The following ERBB4 variants were observed in gnomAD, a reference collection of about 807,000 sequenced individuals.
ERBB4 encodes erb-b2 receptor tyrosine kinase 4, also known as receptor tyrosine-protein kinase erbB-4.
In ERBB4, 42 loss-of-function variants were observed where a neutral mutation model predicts 158.0. That is an observed-to-expected ratio of 0.27 (90% CI 0.21 to 0.34). The LOEUF is 0.34. ERBB4 is among the 10% of genes least tolerant of loss of function. The probability of loss-of-function intolerance (pLI) is 1.00; values close to 1 mark genes in which losing one functional copy is unlikely to be tolerated. For synonymous variants in ERBB4, 583 were observed against 558.7 expected (o/e 1.04, Z -0.61); for missense variants, 1,333 against 1,624.1 (o/e 0.82, Z 3.08).
At chr2:211,398,566 G>A (rs909126560) in intron 25 of ERBB4, among the ~76,000 whole-genome samples, 1 of 152,066 alleles carries the variant, frequency 6.6e-6, no homozygotes, top group African/African-American at 2.4e-5. Flanking sequence ...AAGACCTCTA[G>A]GCAAGGTGGC....
chr2:211,758,773 T>C (rs1402394262), intron 4 of ERBB4, among the ~76,000 whole-genome samples: 2 of 152,196 alleles, frequency 1.3e-5, no homozygotes, highest in Non-Finnish European at 2.9e-5. Context: ...CCCTTGGAGG[T>C]GTGCAGTGCA....
chr2:212,463,536 T>C (rs966048334), intron 1 of ERBB4, among the ~76,000 whole-genome samples: 20 of 152,156 alleles, frequency 1.3e-4, no homozygotes, highest in Non-Finnish European at 2.8e-4. Flanking sequence ...TTATTTCATC[T>C]ACCATAAAAT....
chr2:211,660,314 T>C (rs6719664), intron 15 of ERBB4, among the ~76,000 whole-genome samples: 20,456 of 152,160 alleles, frequency 0.13, 1,767 homozygotes, highest in African/African-American at 0.23. Flanking sequence ...TTAGTCCACG[T>C]AAGAGATGAT....
chr2:211,599,872 G>A (rs2068748535), intron 19 of ERBB4, among the ~76,000 whole-genome samples: 1 of 152,228 alleles, frequency 6.6e-6, no homozygotes, highest in South Asian at 2.1e-4. Flanking sequence ...CTGCAATCTA[G>A]TGGGTATTTT....
intron 16 of ERBB4, among the ~76,000 whole-genome samples, chr2:211,637,900 G>A (rs901197836): frequency 1.4e-4 from 21 of 151,598 alleles, no homozygotes; most frequent in African/African-American, 4.8e-4. Context: ...CATTATTCAG[G>A]TTTTGCTTCA....
chr2:212,463,283 T>C (rs570213308), intron 1 of ERBB4, among the ~76,000 whole-genome samples: 1 of 152,178 alleles, frequency 6.6e-6, no homozygotes, highest in East Asian at 1.9e-4. Flanking sequence ...AAAGGGTAAA[T>C]GTTTGAGGTG....
At chr2:211,764,565 T>C (rs6734786) in intron 4 of ERBB4, among the ~76,000 whole-genome samples, 11,852 of 152,258 alleles carry the variant, frequency 0.078, 624 homozygotes, top group Middle Eastern at 0.13. Context: ...AAAGTACTAC[T>C]ACAGATTAGG....
intron 1 of ERBB4, among the ~76,000 whole-genome samples, chr2:212,240,649 A>AAAAAAAAAAAAAAAAAAAC (rs2084059168): frequency 7.0e-6 from 1 of 143,536 alleles, no homozygotes; most frequent in Non-Finnish European, 1.5e-5. Flanking sequence ...AAAAAAAAAA[A>AAAAAAAAAAAAAAAAAAAC]AAAAAAAAAA....
chr2:211,706,593 TA>T (rs1305215676), intron 9 of ERBB4, among the ~76,000 whole-genome samples: 1 of 128,032 alleles, frequency 7.8e-6, no homozygotes, highest in Non-Finnish European at 1.7e-5. Flanking sequence ...TTCCACATCT[TA>T]AAAAAACAAA....
At chr2:212,184,227 G>T (rs80030819) in intron 1 of ERBB4, among the ~76,000 whole-genome samples, 2 of 152,030 alleles carry the variant, frequency 1.3e-5, no homozygotes, top group East Asian at 3.9e-4. Flanking sequence ...CTTAAATCTC[G>T]ATCCTTCCCT....
chr2:211,789,249 A>G (rs1272156890), intron 3 of ERBB4, among the ~76,000 whole-genome samples: 4 of 152,170 alleles, frequency 2.6e-5, no homozygotes, highest in Non-Finnish European at 5.9e-5. Context: ...ACAATTAATC[A>G]AAACCCAATC....
intron 1 of ERBB4, among the ~76,000 whole-genome samples, chr2:212,157,511 C>G (rs2081076965): frequency 6.6e-6 from 1 of 151,972 alleles, no homozygotes; most frequent in Non-Finnish European, 1.5e-5. Flanking sequence ...TATTTACTTA[C>G]AGCAAAATCA....
At chr2:211,641,772 A>T (rs2070602149) in intron 16 of ERBB4, among the ~76,000 whole-genome samples, 1 of 151,988 alleles carries the variant, frequency 6.6e-6, no homozygotes, top group Non-Finnish European at 1.5e-5. Flanking sequence ...AATTCATTCC[A>T]TTTTGCTATC....
At chr2:211,504,628 A>G (rs184668403) in intron 20 of ERBB4, among the ~76,000 whole-genome samples, 2 of 152,260 alleles carry the variant, frequency 1.3e-5, no homozygotes, top group Admixed American at 1.3e-4. Context: ...AAACTTCAAA[A>G]AGACAGATAA....
intron 3 of ERBB4, among the ~76,000 whole-genome samples, chr2:211,841,107 T>C (rs1575228391): frequency 6.6e-6 from 1 of 152,080 alleles, no homozygotes; most frequent in East Asian, 1.9e-4. Flanking sequence ...TATACATTAA[T>C]ATACTTTATG....
At chr2:211,656,296 A>G (rs896159099) in intron 16 of ERBB4, among the ~76,000 whole-genome samples, 10 of 151,250 alleles carry the variant, frequency 6.6e-5, no homozygotes, top group South Asian at 2.1e-4. Flanking sequence ...TTCACACTAT[A>G]TACGCTTCAA....
At chr2:212,114,122 A>G (rs1487894347) in intron 2 of ERBB4, among the ~76,000 whole-genome samples, 1 of 152,168 alleles carries the variant, frequency 6.6e-6, no homozygotes, top group Non-Finnish European at 1.5e-5. Context: ...CTTGTTATTT[A>G]GGAGTGTTGA....
chr2:211,603,205 C>A (rs1339601193), intron 19 of ERBB4, among the ~76,000 whole-genome samples: 1 of 151,670 alleles, frequency 6.6e-6, no homozygotes, highest in Admixed American at 6.6e-5. Flanking sequence ...CACTGCAGCC[C>A]GGGCGACAGA....
chr2:211,726,863 T>G (rs1345065208), intron 5 of ERBB4, among the ~76,000 whole-genome samples: 3 of 152,140 alleles, frequency 2.0e-5, no homozygotes, highest in Non-Finnish European at 4.4e-5. Context: ...AAGCCCTCCA[T>G]AAGTTGACCA....
Sources: allele counts gnomAD v4.1 joint callset (sites outside exome capture counted in the v4.1 genomes callset), GRCh38; gene constraint gnomAD v4.1.1; transcripts MANE v1.5; gene names NCBI Gene and HGNC (gene_info 2026-07-23, HGNC 2026-07-21).